FERMT1: variants seen among roughly 807,000 people sequenced by gnomAD.
The protein encoded by FERMT1 is FERM domain containing kindlin 1.
FERMT1 carries 60 observed loss-of-function variants against 85.3 expected under a neutral mutation model. The observed-to-expected ratio is 0.70, with a 90% confidence interval of 0.57 to 0.87. The LOEUF (loss-of-function observed/expected upper bound fraction) is 0.87, where lower values mean the gene tolerates loss of function less well. Among genes scored for constraint, FERMT1 ranks in the 40% least tolerant of loss-of-function variants. FERMT1 has a pLI of 0.00. For missense variants in FERMT1, 701 were observed against 818.9 expected, an observed-to-expected ratio of 0.86 and a Z score of 1.76; for synonymous variants, 275 against 301.1, an observed-to-expected ratio of 0.91 and a Z score of 0.90.
Position 6,077,131 on chromosome 20 carries a change from T to C in FERMT1, c.*42A>G, listed in dbSNP as rs766971644. The stretch of plus-strand genomic sequence containing the variant: ...GGGATCCCTCTGGGGAGGGGCGCCT[T>C]TGGCTTGCCTTGTTGGTGTGAGCCG... On this transcript the variant is annotated 3_prime_UTR_variant, in exon 15 of 15. Transcript: ENST00000217289. 4 of 1,611,010 alleles carry C rather than the reference T, an allele frequency of 2.5e-6. No homozygotes were observed. In the Admixed American group the frequency reaches 6.7e-5, roughly 27 times the overall value.
At chr20:6,093,261 C>T (rs73074354) in intron 9 of FERMT1, among the ~76,000 whole-genome samples, 13,575 of 152,190 alleles carry the variant, frequency 0.089, 772 homozygotes, top group Middle Eastern at 0.19. Context: ...GCTCTCTCTC[C>T]TTCCTTCATT....
At chr20:6,117,526 C>T (rs1378324658) in intron 2 of FERMT1, among the ~76,000 whole-genome samples, 1 of 151,602 alleles carries the variant, frequency 6.6e-6, no homozygotes, top group Non-Finnish European at 1.5e-5. Flanking sequence ...CTCTGCCTCC[C>T]GTGTTCAAGT....
intron 6 of FERMT1, among the ~76,000 whole-genome samples, chr20:6,103,767 GT>G (rs66482243): frequency 0.46 from 46,748 of 101,718 alleles, 8,862 homozygotes; most frequent in Non-Finnish European, 0.49. Context: ...CTTTGTTATA[GT>G]TTTTTTTTTT....
intron 11 of FERMT1, 147 bp downstream of exon 11, chr20:6,087,630 A>T: frequency 1.4e-6 from 1 of 702,628 alleles, no homozygotes; most frequent in Non-Finnish European, 2.6e-6. Context: ...TTAGAATGTC[A>T]TTGTGATTTT....
chr20:6,076,649 T>C lies in FERMT1; in HGVS notation c.*524A>G, dbSNP rs1981830109. ...CCCTCCCCTTTCTACCCCTAGACCT[T>C]GGCCTCCAGGGAAAAAGTGTGTGTA... On this transcript the variant is annotated 3_prime_UTR_variant, in exon 15 of 15. Transcript: ENST00000217289. 1 of 344,140 alleles carries C rather than the reference T, an allele frequency of 2.9e-6. No homozygotes were observed. Among genetic ancestry groups the C allele is most frequent in the Non-Finnish European group, 5.7e-6 (1 of 174,200 alleles). The allele number at this position is 344,140 out of a possible 1,614,324, so 21.3% of individuals were successfully genotyped here.
intron 9 of FERMT1, 34 bp downstream of exon 9, chr20:6,094,905 G>C: frequency 8.5e-7 from 1 of 1,174,248 alleles, no homozygotes; most frequent in Non-Finnish European, 1.3e-6. Flanking sequence ...ACTTTGTTAT[G>C]AGTAACTCCT....
chr20:6,081,098 G>C (rs1423691526), intron 13 of FERMT1, among the ~76,000 whole-genome samples: 2 of 152,020 alleles, frequency 1.3e-5, no homozygotes, highest in Admixed American at 6.6e-5. Flanking sequence ...AGCAGCCTGG[G>C]TAACACAGTG....
intron 10 of FERMT1, 56 bp downstream of exon 10, chr20:6,088,909 C>G: frequency 6.4e-7 from 1 of 1,571,254 alleles, no homozygotes; most frequent in Non-Finnish European, 8.7e-7. Flanking sequence ...CAGGTTTGAG[C>G]CACCGCGTCT....
At chr20:6,102,697 A>G (rs1256123789) in intron 6 of FERMT1, among the ~76,000 whole-genome samples, 24 of 129,074 alleles carry the variant, frequency 1.9e-4, no homozygotes, top group African/African-American at 6.1e-4. Context: ...AAAAAAAAAA[A>G]AAAAGAAAAG....
chr20:6,083,177 G>T (rs1982047651), intron 13 of FERMT1, among the ~76,000 whole-genome samples: 1 of 152,194 alleles, frequency 6.6e-6, no homozygotes, highest in Non-Finnish European at 1.5e-5. Context: ...AATGTAATTT[G>T]ATTTACAAGC....
intron 14 of FERMT1, among the ~76,000 whole-genome samples, chr20:6,079,105 ATAAG>A (rs1239019052): frequency 1.3e-5 from 2 of 152,190 alleles, no homozygotes; most frequent in African/African-American, 2.4e-5. Context: ...GTAGTTTCTC[ATAAG>A]TAAGTATCAA....
In FERMT1 at chr20:6,112,477, C is replaced by G. The variant is rs1173059236; in HGVS notation, c.532G>C (p.Val178Leu). ...ESSPTASGSS[V>L]SPGLYSKTMT... is the part of the protein sequence containing the mutation. ...ACAAAACACCTGTAACAAGTCTTAC[C>G]TGATGAACCTGAAGCTGTTGGAGAA... Residue 178 changes from valine (V) to leucine (L), a missense_variant and splice_region_variant, in exon 4 of 15, where the codon GTA becomes CTA. Physicochemically the swap from Val to Leu is conservative, Grantham distance 32. Coordinates refer to ENST00000217289, the MANE Select transcript of FERMT1 (RefSeq NM_017671.5). 2 of 1,613,630 alleles carry G rather than the reference C, an allele frequency of 1.2e-6. No individual in the cohort carries two copies. Among genetic ancestry groups the G allele is most frequent in the Non-Finnish European group, 1.7e-6 (2 of 1,179,702 alleles).
intron 5 of FERMT1, among the ~76,000 whole-genome samples, chr20:6,108,678 C>A (rs749805530): frequency 2.3e-4 from 35 of 152,022 alleles, no homozygotes; most frequent in Non-Finnish European, 4.4e-4. Context: ...GGTGTTGTGG[C>A]ACATGGCTGT....
At chr20:6,109,915 AAAAG>A (rs1349466816) in intron 5 of FERMT1, among the ~76,000 whole-genome samples, 1 of 151,692 alleles carries the variant, frequency 6.6e-6, no homozygotes, top group Non-Finnish European at 1.5e-5. Context: ...AAAAAAAAAA[AAAAG>A]AGAAGAGTGA....
intron 5 of FERMT1, among the ~76,000 whole-genome samples, chr20:6,109,085 T>C (rs1446888271): frequency 1.3e-5 from 2 of 152,202 alleles, no homozygotes; most frequent in African/African-American, 4.8e-5. Flanking sequence ...TAGGGGTTCC[T>C]GTACAATGCA....
chr20:6,087,942 A>T, intron 10 of FERMT1, 59 bp from the exon 11 acceptor site: 1 of 943,742 alleles, frequency 1.1e-6, no homozygotes, highest in Admixed American at 1.7e-5. Context: ...GATAAACATC[A>T]GGTGTGTATC....
rs755393121 is a variant in FERMT1, at chr20:6,112,485, C to T, written c.524G>A (p.Gly175Asp). 2.0e-5 allele frequency: 32 copies of T among 1,613,664 alleles called. No individual in the cohort carries two copies. In the South Asian group the frequency reaches 3.4e-4, roughly 17 times the overall value. ...LNLESSPTASGSSVSPGLYSK... is the reference protein window; with the variant it reads ...LNLESSPTASDSSVSPGLYSK... ...CCTGTAACAAGTCTTACCTGATGAA[C>T]CTGAAGCTGTTGGAGAACTCTCCAG... Residue 175 changes from glycine to aspartate, a missense_variant, in exon 4 of 15, where the codon GGT becomes GAT. Coordinates refer to ENST00000217289, the MANE Select transcript of FERMT1 (RefSeq NM_017671.5).
chr20:6,119,619 G>T (rs962719137), intron 1 of FERMT1, 47 bp from the exon 2 acceptor site: 2 of 1,541,780 alleles, frequency 1.3e-6, no homozygotes, highest in South Asian at 1.2e-5. Flanking sequence ...GGAAGGAAAC[G>T]GGACTTGTCA....
At chr20:6,097,149 C>T in intron 7 of FERMT1, 116 bp from the exon 8 acceptor site, 1 of 1,032,730 alleles carries the variant, frequency 9.7e-7, no homozygotes, top group South Asian at 1.3e-5. Context: ...TGAACATCTC[C>T]TAAACAGAGG....
Sources: gnomAD v4.1 joint callset for allele counts (sites outside exome capture counted in the v4.1 genomes callset) on GRCh38, gnomAD v4.1.1 for gene constraint, MANE v1.5 for transcripts, NCBI Gene and HGNC (gene_info 2026-07-23, HGNC 2026-07-21) for gene names.